ZNF133: variants seen among roughly 807,000 people sequenced by gnomAD.
The protein encoded by ZNF133 is zinc finger protein 133.
Under a neutral mutation model 54.9 loss-of-function variants are expected in ZNF133, and 26 were observed. The ratio of observed to expected loss-of-function variants is 0.47; its 90% confidence interval spans 0.35 to 0.66. The LOEUF (loss-of-function observed/expected upper bound fraction) is 0.66. Ranked by LOEUF, ZNF133 falls within the 30% of genes least tolerant of loss-of-function variation. The pLI is 0.01. For synonymous variants in ZNF133, 298 were observed against 320.3 expected (o/e 0.93, Z 0.74); for missense variants, 653 against 820.8 (o/e 0.80, Z 2.50).
chr20:18,312,470 C>G (rs887763308), intron 6 of ZNF133, among the ~76,000 whole-genome samples: 3 of 152,214 alleles, frequency 2.0e-5, no homozygotes, highest in Non-Finnish European at 4.4e-5. Context: ...CAGGCTTTAT[C>G]TTACTTTGAA....
intron 1 of ZNF133, among the ~76,000 whole-genome samples, chr20:18,295,664 T>TTA: frequency 6.6e-6 from 1 of 152,030 alleles, no homozygotes; most frequent in African/African-American, 2.4e-5. Flanking sequence ...TTAATTAATT[T>TTA]ATTTATTTTT....
chr20:18,316,489 G>A lies in ZNF133; in HGVS notation c.1638G>A (p.Arg546=), dbSNP rs772882390. ...TCAGGCACAAGCGGAAGCACTCGAG[G>A]GAGAAGCCCTACATGTGCAGGCAGT... ...GLIRHKRKHS[R]EKPYMCRQCG... Residue 546 remains arginine (R), a synonymous_variant, in exon 7 of 7, where the codon AGG becomes AGA. Transcript: ENST00000425686. 3 of 1,614,084 alleles carry A rather than the reference G, an allele frequency of 1.9e-6. No homozygotes were observed. The highest frequency in any genetic ancestry group is 2.7e-5 in the African/African-American group (2 of 74,938).
intron 1 of ZNF133, among the ~76,000 whole-genome samples, chr20:18,289,217 G>A (rs1450487928): frequency 6.6e-6 from 1 of 152,156 alleles, no homozygotes; most frequent in Admixed American, 6.5e-5. Flanking sequence ...TCACCCCCGG[G>A]TTCGGGCGTT....
At chr20:18,302,064 G>A (rs1832719963) in intron 3 of ZNF133, among the ~76,000 whole-genome samples, 2 of 152,106 alleles carry the variant, frequency 1.3e-5, no homozygotes, top group Non-Finnish European at 2.9e-5. Flanking sequence ...ATGACCAAGT[G>A]GAATTTATTC....
intron 1 of ZNF133, among the ~76,000 whole-genome samples, chr20:18,295,664 T>A (rs6081090): frequency 0.49 from 74,771 of 151,926 alleles, 18,679 homozygotes; most frequent in Middle Eastern, 0.56. Context: ...TTAATTAATT[T>A]ATTTATTTTT....
intron 1 of ZNF133, among the ~76,000 whole-genome samples, chr20:18,293,257 G>A (rs1181777844): frequency 1.3e-5 from 2 of 152,222 alleles, no homozygotes; most frequent in African/African-American, 4.8e-5. Flanking sequence ...ATCTTGCTAT[G>A]GCTGCAGTCA....
Position 18,298,323 on chromosome 20 carries a change from A to C in ZNF133, c.-319A>C, listed in dbSNP as rs2042647628. On this transcript the variant is annotated 5_prime_UTR_variant, in exon 3 of 7. Coordinates refer to ENST00000425686, the MANE Select transcript of ZNF133 (RefSeq NM_001352452.2). The stretch of plus-strand genomic sequence containing the variant: ...TTCTGCTGCCTGAGAGTAACGTCAC[A>C]GTAATGGAACGGGAAGATTCTGGAA... The C allele has an allele frequency of 7.5e-7, 1 of 1,327,300 alleles. No individual in the cohort carries two copies. The highest frequency in any genetic ancestry group is 3.1e-5 in the East Asian group (1 of 32,658). The allele number at this position is 1,327,300 out of a possible 1,614,324, so 82.2% of individuals were successfully genotyped here.
Position 18,316,902 on chromosome 20 carries a change from A to G in ZNF133, c.*86A>G. The G allele has an allele frequency of 1.4e-6, 2 of 1,456,144 alleles. No individual in the cohort carries two copies. Among genetic ancestry groups the G allele is most frequent in the Non-Finnish European group, 1.8e-6 (2 of 1,092,284 alleles). 90.2% of individuals were successfully genotyped at this position (1,456,144 alleles called of 1,614,324 possible). A position where few individuals can be genotyped will look rare whatever the true frequency, so the allele number is the denominator to read the frequency against. On this transcript the variant is annotated 3_prime_UTR_variant, in exon 7 of 7. Coordinates refer to ENST00000425686, the MANE Select transcript of ZNF133 (RefSeq NM_001352452.2). Reference sequence around the variant, plus strand: ...GAGAAATGCATTCTGTAAGTGGTCAAAGGACATTTGACTGTTTACTTTCTC... The same window carrying G: ...GAGAAATGCATTCTGTAAGTGGTCAGAGGACATTTGACTGTTTACTTTCTC...
At chr20:18,298,213 A>G in intron 2 of ZNF133, 76 bp from the exon 3 acceptor site, 3 of 1,497,528 alleles carry the variant, frequency 2.0e-6, no homozygotes, top group South Asian at 2.6e-5. Context: ...AAAACCCATG[A>G]CACAGTTATT....
intron 1 of ZNF133, among the ~76,000 whole-genome samples, chr20:18,291,256 C>T (rs748807442): frequency 6.6e-6 from 1 of 152,268 alleles, no homozygotes; most frequent in African/African-American, 2.4e-5. Context: ...TTGTTGTCTG[C>T]GTTGCTATCC....
intron 3 of ZNF133, among the ~76,000 whole-genome samples, chr20:18,300,397 G>T (rs1440855789): frequency 6.6e-6 from 1 of 151,962 alleles, no homozygotes; most frequent in Non-Finnish European, 1.5e-5. Flanking sequence ...GACAAAAAAA[G>T]GACAGTAATA....
chr20:18,294,726 A>G (rs1212139182), intron 1 of ZNF133, among the ~76,000 whole-genome samples: 1 of 152,234 alleles, frequency 6.6e-6, no homozygotes, highest in Non-Finnish European at 1.5e-5. Flanking sequence ...TAGAGAGGCA[A>G]TCATGACTTC....
chr20:18,311,304 G>A (rs2045885939), intron 6 of ZNF133, among the ~76,000 whole-genome samples: 1 of 152,174 alleles, frequency 6.6e-6, no homozygotes, highest in Non-Finnish European at 1.5e-5. Flanking sequence ...GGGCCACAGA[G>A]TGAGATCCTA....
intron 6 of ZNF133, among the ~76,000 whole-genome samples, chr20:18,307,031 T>C (rs1451807120): frequency 6.9e-6 from 1 of 145,568 alleles, no homozygotes; most frequent in Non-Finnish European, 1.5e-5. Flanking sequence ...TGTAAGAGCA[T>C]TGCAATTACA....
At chr20:18,300,551 A>G (rs893974117) in intron 3 of ZNF133, among the ~76,000 whole-genome samples, 7 of 152,208 alleles carry the variant, frequency 4.6e-5, no homozygotes, top group African/African-American at 7.2e-5. Context: ...TTAAAAAAAC[A>G]TGATCTAACT....
rs1600476052 is a variant in ZNF133 at position 18,304,989 on chromosome 20, T to C, written c.-177-19T>C. 1.0e-6 allele frequency: 1 copy of C among 985,332 alleles called. No individual in the cohort carries two copies. Among genetic ancestry groups the C allele is most frequent in the Non-Finnish European group, 1.2e-6 (1 of 829,958 alleles). 61.0% of individuals were successfully genotyped at this position (985,332 alleles called of 1,614,324 possible). On this transcript the variant is annotated intron_variant, in intron 3 of 6. Coordinates refer to ENST00000425686, the MANE Select transcript of ZNF133 (RefSeq NM_001352452.2). ...TGCCATGCCCTGTCTTAGAAACCCCTTTCTAATCTCTATTCCAGTGTGTCC... is the reference window on the plus strand; with the variant it reads ...TGCCATGCCCTGTCTTAGAAACCCCCTTCTAATCTCTATTCCAGTGTGTCC...
rs766305949 is a variant in ZNF133, at chr20:18,315,976, G to A, written c.1125G>A (p.Thr375=). ...CAAACCTCATCTCCCACCAGAGGACGCACTCTGGGGAGAAGCCCTACGCCT... is the reference window on the plus strand; with the variant it reads ...CAAACCTCATCTCCCACCAGAGGACACACTCTGGGGAGAAGCCCTACGCCT... ...DRSNLISHQR[T]HSGEKPYACK... The change falls in exon 7 of 7, where the codon ACG becomes ACA. Residue 375 remains threonine (T), a synonymous_variant. Transcript: ENST00000425686. 1.8e-5 allele frequency: 29 copies of A among 1,611,312 alleles called. No homozygotes were observed. Among genetic ancestry groups the A allele is most frequent in the South Asian group, 6.6e-5 (6 of 90,934 alleles).
At position 18,316,108 on chromosome 20, in the gene ZNF133, C is replaced by A; in HGVS notation, c.1257C>A (p.Phe419Leu). 6.2e-7 allele frequency: 1 copy of A among 1,612,636 alleles called. No homozygotes were observed. The stretch of plus-strand genomic sequence containing the variant: ...TGTGCGGGGTGTGTGGGCACAGCTT[C>A]AGCCAGAATTCAACCCTCATCTCTC... ...PYVCGVCGHS[F>L]SQNSTLISHR... is the part of the protein sequence containing the mutation. Residue 419 changes from phenylalanine to leucine, a missense_variant, in exon 7 of 7, where the codon TTC becomes TTA. By Grantham distance (22) the Phe-to-Leu change is conservative. Transcript: ENST00000425686.
intron 6 of ZNF133, 171 bp from the exon 7 acceptor site, chr20:18,314,898 A>G (rs2047085027): frequency 7.0e-6 from 4 of 571,526 alleles, no homozygotes; most frequent in Admixed American, 3.6e-5. Context: ...TCTAGATTGT[A>G]ATGCTAGACG....
Sources: allele counts gnomAD v4.1 joint callset (sites outside exome capture counted in the v4.1 genomes callset), GRCh38; gene constraint gnomAD v4.1.1; transcripts MANE v1.5; gene names NCBI Gene and HGNC (gene_info 2026-07-23, HGNC 2026-07-21).